PLCB1: variants seen among roughly 807,000 people sequenced by gnomAD.
The protein encoded by PLCB1 is 1-phosphatidylinositol 4,5-bisphosphate phosphodiesterase beta-1.
A neutral mutation model predicts 161.8 loss-of-function variants in PLCB1; 46 were observed. That is an observed-to-expected ratio of 0.28 (90% confidence interval 0.22 to 0.36). The LOEUF (loss-of-function observed/expected upper bound fraction) is 0.36. PLCB1 is among the 10% of genes least tolerant of loss of function. The pLI is 1.00. For missense variants in PLCB1, 1,016 were observed against 1,472.5 expected, an observed-to-expected ratio of 0.69 and a Z score of 5.07; for synonymous variants, 517 against 503.7, an observed-to-expected ratio of 1.03 and a Z score of -0.35.
At chr20:8,386,558 C>T (rs1029576316) in intron 3 of PLCB1, among the ~76,000 whole-genome samples, 2 of 152,152 alleles carry the variant, frequency 1.3e-5, no homozygotes, top group African/African-American at 4.8e-5. Flanking sequence ...ATAGGTTTAG[C>T]ATAATTCTTC....
intron 2 of PLCB1, among the ~76,000 whole-genome samples, chr20:8,165,656 C>A (rs114515002): frequency 1.3e-5 from 2 of 152,284 alleles, no homozygotes; most frequent in African/African-American, 4.8e-5. Flanking sequence ...ACTGCTCAAT[C>A]GATGTGTGTC....
intron 2 of PLCB1, among the ~76,000 whole-genome samples, chr20:8,173,539 A>C (rs2051753352): frequency 6.6e-6 from 1 of 152,212 alleles, no homozygotes. Context: ...GCTAAAAGGA[A>C]AGATTTGAAT....
intron 10 of PLCB1, among the ~76,000 whole-genome samples, chr20:8,697,215 G>T (rs564318961): frequency 6.6e-6 from 1 of 152,198 alleles, no homozygotes; most frequent in Admixed American, 6.5e-5. Context: ...TATAATCCTG[G>T]ATCTTCTACT....
intron 2 of PLCB1, among the ~76,000 whole-genome samples, chr20:8,363,211 T>A (rs576736277): frequency 2.4e-4 from 37 of 152,292 alleles, no homozygotes; most frequent in African/African-American, 8.4e-4. Flanking sequence ...CACAACTTAA[T>A]GGCTTAAAAC....
intron 2 of PLCB1, among the ~76,000 whole-genome samples, chr20:8,173,994 G>A (rs1024646254): frequency 6.6e-6 from 1 of 152,116 alleles, no homozygotes; most frequent in Non-Finnish European, 1.5e-5. Context: ...GAGCTCCGGG[G>A]ACCTGTGGAA....
In PLCB1 at chr20:8,628,432, G is replaced by A; in HGVS notation, c.384+1G>A. The A allele has an allele frequency of 6.2e-7, 1 of 1,613,962 alleles. No homozygotes were observed. The highest frequency in any genetic ancestry group is 8.5e-7 in the Non-Finnish European group (1 of 1,179,948). ...GGCTTTCCAAGAAGAAGTGGCCAAG[G>A]TATGGTGGATGGAAATTGCTAAAGC... On this transcript the variant is annotated splice_donor_variant, in intron 4 of 31. Coordinates refer to ENST00000338037, the MANE Select transcript of PLCB1 (RefSeq NM_015192.4). LOFTEE classifies it high-confidence loss of function.
chr20:8,734,930 T>A (rs6133615), intron 19 of PLCB1, among the ~76,000 whole-genome samples: 90,230 of 152,046 alleles, frequency 0.59, 27,783 homozygotes, highest in East Asian at 0.68. Flanking sequence ...CATTTTTACC[T>A]TAAAACTTTC....
intron 3 of PLCB1, among the ~76,000 whole-genome samples, chr20:8,616,315 T>G (rs568016812): frequency 1.3e-5 from 2 of 152,250 alleles, no homozygotes; most frequent in South Asian, 2.1e-4. Flanking sequence ...TTGCTGCTCT[T>G]CCTCCTACCA....
intron 3 of PLCB1, among the ~76,000 whole-genome samples, chr20:8,387,421 C>CA (rs2122414688): frequency 6.6e-6 from 1 of 152,274 alleles, no homozygotes; most frequent in South Asian, 2.1e-4. Context: ...AGTCAGTACC[C>CA]ACACAACATT....
chr20:8,486,228 A>G (rs954292558), intron 3 of PLCB1, among the ~76,000 whole-genome samples: 1 of 152,210 alleles, frequency 6.6e-6, no homozygotes, highest in African/African-American at 2.4e-5. Context: ...GACATAGCCA[A>G]ACCATATCAG....
chr20:8,651,431 G>A (rs1177856627), intron 7 of PLCB1: 4 of 725,484 alleles, frequency 5.5e-6, no homozygotes, highest in Non-Finnish European at 1.0e-5. Context: ...AGCTAATGAG[G>A]CTGCGAAAAG....
intron 3 of PLCB1, among the ~76,000 whole-genome samples, chr20:8,518,001 G>A (rs1400191031): frequency 6.6e-6 from 1 of 152,016 alleles, no homozygotes; most frequent in African/African-American, 2.4e-5. Flanking sequence ...GGCCAACATG[G>A]TGAAACCCCG....
At chr20:8,384,856 G>A (rs2122403131) in intron 3 of PLCB1, among the ~76,000 whole-genome samples, 1 of 152,262 alleles carries the variant, frequency 6.6e-6, no homozygotes, top group African/African-American at 2.4e-5. Flanking sequence ...CGCACCAGGA[G>A]ATGTCACTCA....
At chr20:8,878,009 G>T (rs1987839655) in intron 31 of PLCB1, among the ~76,000 whole-genome samples, 1 of 152,016 alleles carries the variant, frequency 6.6e-6, no homozygotes, top group African/African-American at 2.4e-5. Context: ...GTTTTTCTTA[G>T]AATTAAATTA....
intron 3 of PLCB1, among the ~76,000 whole-genome samples, chr20:8,506,868 A>G (rs1983656269): frequency 6.6e-6 from 1 of 152,210 alleles, no homozygotes; most frequent in African/African-American, 2.4e-5. Flanking sequence ...TAAAAATATT[A>G]CATAGGTCTA....
intron 1 of PLCB1, among the ~76,000 whole-genome samples, chr20:8,136,969 T>G (rs1232062665): frequency 6.6e-6 from 1 of 152,214 alleles, no homozygotes; most frequent in Non-Finnish European, 1.5e-5. Context: ...TAATTTAACA[T>G]TGCACGTTCT....
chr20:8,604,866 T>A (rs68119680), intron 3 of PLCB1, among the ~76,000 whole-genome samples: 45,643 of 151,988 alleles, frequency 0.3, 8,344 homozygotes, highest in Non-Finnish European at 0.4. Context: ...AACACAAAGG[T>A]CTTGGGTGTT....
chr20:8,376,179 T>A (rs866336168), intron 3 of PLCB1, among the ~76,000 whole-genome samples: 1 of 152,208 alleles, frequency 6.6e-6, no homozygotes, highest in Non-Finnish European at 1.5e-5. Flanking sequence ...AGCAATGTCA[T>A]TGAAAAATAT....
intron 3 of PLCB1, among the ~76,000 whole-genome samples, chr20:8,569,608 T>C (rs1476549879): frequency 6.6e-6 from 1 of 152,150 alleles, no homozygotes; most frequent in Non-Finnish European, 1.5e-5. Flanking sequence ...ATCCTATGTG[T>C]CCACAAAAAT....
Sources: gnomAD v4.1 joint callset for allele counts (sites outside exome capture counted in the v4.1 genomes callset) on GRCh38, gnomAD v4.1.1 for gene constraint, MANE v1.5 for transcripts, NCBI Gene and HGNC (gene_info 2026-07-23, HGNC 2026-07-21) for gene names.